TNFAIP8: variants seen among roughly 807,000 people sequenced by gnomAD.
The protein encoded by TNFAIP8 is TNF alpha induced protein 8.
TNFAIP8 carries 7 observed loss-of-function variants against 13.3 expected under a neutral mutation model. The ratio of observed to expected loss-of-function variants is 0.52; its 90% CI spans 0.30 to 0.99. TNFAIP8 has a LOEUF of 0.99. Among genes scored for constraint, TNFAIP8 ranks in the 50% least tolerant of loss-of-function variants. TNFAIP8 has a pLI of 0.07. For missense variants in TNFAIP8, 258 were observed against 236.9 expected (o/e 1.09, Z -0.58); for synonymous variants, 94 against 87.6 (o/e 1.07, Z -0.41).
At chr5:119,339,052 CA>C (rs11366242) in intron 1 of TNFAIP8, among the ~76,000 whole-genome samples, 12,296 of 146,454 alleles carry the variant, frequency 0.084, 1,596 homozygotes, top group African/African-American at 0.28. Context: ...TCTCTTAAAA[CA>C]AAAAAAAAAG....
chr5:119,297,309 T>C (rs1021140370), intron 1 of TNFAIP8, among the ~76,000 whole-genome samples: 3 of 152,202 alleles, frequency 2.0e-5, no homozygotes, highest in African/African-American at 4.8e-5. Flanking sequence ...TGTTGTGTCT[T>C]TGTTCTCGTT....
At chr5:119,270,485 C>T (rs1250860933) in intron 1 of TNFAIP8, among the ~76,000 whole-genome samples, 1 of 152,216 alleles carries the variant, frequency 6.6e-6, no homozygotes, top group Non-Finnish European at 1.5e-5. Flanking sequence ...TGGTCTTGAA[C>T]TCCTGGGCTC....
At chr5:119,340,465 A>G (rs1750699423) in intron 1 of TNFAIP8, among the ~76,000 whole-genome samples, 1 of 152,228 alleles carries the variant, frequency 6.6e-6, no homozygotes, top group Non-Finnish European at 1.5e-5. Context: ...TGAGGCCACC[A>G]TGGAGGTCCT....
chr5:119,285,268 A>G (rs1441969355), intron 1 of TNFAIP8, among the ~76,000 whole-genome samples: 1 of 152,172 alleles, frequency 6.6e-6, no homozygotes, highest in Non-Finnish European at 1.5e-5. Flanking sequence ...ACTATAAATC[A>G]TCTCTAATCC....
chr5:119,381,889 G>T (rs867020594), intron 1 of TNFAIP8, among the ~76,000 whole-genome samples: 3 of 151,818 alleles, frequency 2.0e-5, no homozygotes, highest in Admixed American at 2.0e-4. Context: ...CCAAGATCGC[G>T]CCATTGTACT....
intron 1 of TNFAIP8, among the ~76,000 whole-genome samples, chr5:119,365,185 C>T (rs1751800997): frequency 6.6e-6 from 1 of 152,018 alleles, no homozygotes; most frequent in Admixed American, 6.6e-5. Context: ...TCCCTTTGGC[C>T]TTCACTTCCT....
intron 1 of TNFAIP8, among the ~76,000 whole-genome samples, chr5:119,330,711 T>TAC (rs1054674423): frequency 6.6e-6 from 1 of 151,740 alleles, no homozygotes. Flanking sequence ...TAACGTGGAG[T>TAC]ACACACACAC....
At chr5:119,382,996 A>G (rs1351374948) in intron 1 of TNFAIP8, among the ~76,000 whole-genome samples, 1 of 152,218 alleles carries the variant, frequency 6.6e-6, no homozygotes, top group African/African-American at 2.4e-5. Context: ...ATGGTTCTTT[A>G]TTGCACTAAT....
chr5:119,294,774 C>T (rs576994632), intron 1 of TNFAIP8, among the ~76,000 whole-genome samples: 5 of 152,170 alleles, frequency 3.3e-5, no homozygotes, highest in East Asian at 1.9e-4. Context: ...TTTTGATTTG[C>T]GTTTCTCTGA....
intron 1 of TNFAIP8, among the ~76,000 whole-genome samples, chr5:119,301,901 T>C (rs1055304885): frequency 1.3e-5 from 2 of 152,170 alleles, no homozygotes; most frequent in Non-Finnish European, 2.9e-5. Flanking sequence ...CTTTTTTGTA[T>C]TGGGGAAGAT....
chr5:119,321,988 T>C (rs1316908016), intron 1 of TNFAIP8, among the ~76,000 whole-genome samples: 1 of 152,104 alleles, frequency 6.6e-6, no homozygotes, highest in Non-Finnish European at 1.5e-5. Flanking sequence ...TCCTCAAACT[T>C]CCCAAGCTCT....
chr5:119,332,152 A>T (rs1241254881), intron 1 of TNFAIP8, among the ~76,000 whole-genome samples: 2 of 152,192 alleles, frequency 1.3e-5, no homozygotes, highest in Admixed American at 6.5e-5. Flanking sequence ...TTGTAAATTG[A>T]TGTTGATTTG....
intron 1 of TNFAIP8, among the ~76,000 whole-genome samples, chr5:119,271,732 C>G (rs1748298358): frequency 6.6e-6 from 1 of 152,204 alleles, no homozygotes; most frequent in African/African-American, 2.4e-5. Flanking sequence ...TCTCAGGGAT[C>G]TCTGGCTCTG....
At chr5:119,368,370 TCTG>T (rs1430545229) in intron 1 of TNFAIP8, among the ~76,000 whole-genome samples, 61 of 137,788 alleles carry the variant, frequency 4.4e-4, no homozygotes, top group African/African-American at 2.1e-3. Context: ...TTCCCTCCTG[TCTG>T]TTAAAAAAAA....
chr5:119,343,281 T>C (rs1215075735), intron 1 of TNFAIP8, among the ~76,000 whole-genome samples: 1 of 152,230 alleles, frequency 6.6e-6, no homozygotes, highest in Non-Finnish European at 1.5e-5. Context: ...GCGTCCATTC[T>C]GTGCATGTTG....
chr5:119,278,382 T>C (rs113602006), intron 1 of TNFAIP8, among the ~76,000 whole-genome samples: 2 of 104,204 alleles, frequency 1.9e-5, no homozygotes, highest in African/African-American at 4.9e-5. Context: ...AGAGAGTGTG[T>C]GTGTGTGTGT....
chr5:119,275,297 A>G (rs1298755714), intron 1 of TNFAIP8, among the ~76,000 whole-genome samples: 1 of 152,218 alleles, frequency 6.6e-6, no homozygotes, highest in Non-Finnish European at 1.5e-5. Context: ...GAGACATTGG[A>G]GAGTCTGCCC....
intron 1 of TNFAIP8, among the ~76,000 whole-genome samples, chr5:119,331,631 C>T (rs757061043): frequency 1.1e-4 from 17 of 152,290 alleles, no homozygotes; most frequent in East Asian, 5.8e-4. Context: ...GGTGCCTCCC[C>T]GACTGGGCCT....
chr5:119,382,757 C>G (rs1222315432), intron 1 of TNFAIP8, among the ~76,000 whole-genome samples: 1 of 152,198 alleles, frequency 6.6e-6, no homozygotes, highest in Non-Finnish European at 1.5e-5. Context: ...GGCCCCTGAC[C>G]CAGTCTGACT....
Sources: allele counts gnomAD v4.1 joint callset (sites outside exome capture counted in the v4.1 genomes callset), GRCh38; gene constraint gnomAD v4.1.1; transcripts MANE v1.5; gene names NCBI Gene and HGNC (gene_info 2026-07-23, HGNC 2026-07-21).